Variants in THSD7A observed in about 807,000 individuals in gnomAD.
THSD7A encodes the protein thrombospondin type 1 domain containing 7A, also known as thrombospondin type-1 domain-containing protein 7A.
In THSD7A, 96 loss-of-function variants were observed where a neutral mutation model predicts 231.3. That is an observed-to-expected ratio of 0.41 (90% CI 0.35 to 0.49). The LOEUF (loss-of-function observed/expected upper bound fraction) is 0.49. Ranked by LOEUF, THSD7A falls within the 20% of genes least tolerant of loss-of-function variation. THSD7A has a pLI of 0.05. For synonymous variants in THSD7A, 940 were observed against 743.3 expected, an observed-to-expected ratio of 1.26 and a Z score of -4.30; for missense variants, 2,290 against 2,070.2, an observed-to-expected ratio of 1.11 and a Z score of -2.06.
At chr7:11,501,080 C>T (rs925835209) in intron 6 of THSD7A, among the ~76,000 whole-genome samples, 1 of 151,638 alleles carries the variant, frequency 6.6e-6, no homozygotes, top group Non-Finnish European at 1.5e-5. Context: ...GAAGACTTAG[C>T]TATCCTAAAT....
At chr7:11,423,017 A>T (rs917926744) in intron 16 of THSD7A, among the ~76,000 whole-genome samples, 7 of 152,172 alleles carry the variant, frequency 4.6e-5, no homozygotes, top group Non-Finnish European at 7.4e-5. Flanking sequence ...TTTTATTTTG[A>T]AGAAAAAAAA....
At chr7:11,622,745 T>A (rs1781357186) in intron 2 of THSD7A, among the ~76,000 whole-genome samples, 1 of 152,204 alleles carries the variant, frequency 6.6e-6, no homozygotes, top group Non-Finnish European at 1.5e-5. Flanking sequence ...CCACTCAATA[T>A]TAATTTCTAA....
chr7:11,462,794 ATAAG>A, intron 9 of THSD7A, among the ~76,000 whole-genome samples: 1 of 152,270 alleles, frequency 6.6e-6, no homozygotes, highest in South Asian at 2.1e-4. Context: ...ATTACTATAA[ATAAG>A]TAACTCTAAA....
At chr7:11,721,283 G>A (rs948606856) in intron 1 of THSD7A, among the ~76,000 whole-genome samples, 2 of 151,794 alleles carry the variant, frequency 1.3e-5, no homozygotes, top group Non-Finnish European at 2.9e-5. Flanking sequence ...CAATGTTGGA[G>A]GAGGTGGCTG....
intron 1 of THSD7A, among the ~76,000 whole-genome samples, chr7:11,640,185 CCT>C (rs543495197): frequency 6.6e-6 from 1 of 152,150 alleles, no homozygotes; most frequent in African/African-American, 2.4e-5. Context: ...CTCTATAGCC[CCT>C]TGAGGACAGG....
chr7:11,727,837 C>G (rs1781600068), intron 1 of THSD7A, among the ~76,000 whole-genome samples: 2 of 151,808 alleles, frequency 1.3e-5, no homozygotes, highest in African/African-American at 2.4e-5. Flanking sequence ...ACAGTCTAAC[C>G]CTCTTTACCT....
intron 13 of THSD7A, among the ~76,000 whole-genome samples, chr7:11,430,703 G>A (rs2115428808): frequency 6.6e-6 from 1 of 152,118 alleles, no homozygotes; most frequent in South Asian, 2.1e-4. Flanking sequence ...GGAACTTCTG[G>A]CCTCAAGTGA....
In THSD7A at chr7:11,372,008, T is replaced by C. The variant is rs565374118; in HGVS notation, c.*3786A>G. The C allele has an allele frequency of 5.3e-5, 8 of 152,058 alleles. No homozygotes were observed. The highest frequency in any genetic ancestry group is 1.7e-4 in the African/African-American group (7 of 41,492). The allele number at this position is 152,058 out of a possible 1,614,324, so 9.4% of individuals were successfully genotyped here. A position where few individuals can be genotyped will look rare whatever the true frequency, so the allele number is the denominator to read the frequency against. ...CAGAAAGGGCCAAGGATACAGGTTG[T>C]TGGGGGAGGTAAATAAGTGTGTGAG... is the stretch of plus-strand genomic sequence containing the variant. On this transcript the variant is annotated 3_prime_UTR_variant, in exon 28 of 28. Transcript: ENST00000423059.
intron 2 of THSD7A, among the ~76,000 whole-genome samples, chr7:11,620,485 A>T (rs1781266901): frequency 6.6e-6 from 1 of 152,164 alleles, no homozygotes; most frequent in Non-Finnish European, 1.5e-5. Flanking sequence ...CATTATCAAC[A>T]TGATCATTTA....
At chr7:11,799,136 T>C (rs1056372803) in intron 1 of THSD7A, among the ~76,000 whole-genome samples, 1 of 152,178 alleles carries the variant, frequency 6.6e-6, no homozygotes, top group African/African-American at 2.4e-5. Flanking sequence ...TTGGCCAGGA[T>C]GGTCTCGATC....
At position 11,541,583 on chromosome 7, in the gene THSD7A, G is replaced by C. The variant is rs371584882; in HGVS notation, c.1658C>G (p.Ser553Cys). 1.1e-5 allele frequency: 18 copies of C among 1,613,858 alleles called. No homozygotes were observed. The African/African-American group carries it at 1.7e-4, about 16-fold the overall frequency. ...RRITNEPTGG[S>C]GVTGNCPHLL... ...GTGAGGGCAGTTTCCGGTTACCCCA[G>C]AGCCTCCAGTGGGCTCATTGGTAAT... is the stretch of plus-strand genomic sequence containing the variant. The change falls in exon 6 of 28, where the codon TCT becomes TGT. Residue 553 changes from serine to cysteine, a missense_variant. Ser to Cys is a moderately radical substitution (Grantham distance 112, BLOSUM62 -1). Transcript: ENST00000423059.
chr7:11,433,053 C>T (rs1057310980), intron 13 of THSD7A, among the ~76,000 whole-genome samples: 5 of 151,900 alleles, frequency 3.3e-5, no homozygotes, highest in Non-Finnish European at 5.9e-5. Context: ...AAAGAAGATG[C>T]CACTGCTAAG....
chr7:11,388,352 A>G (rs533424536), intron 23 of THSD7A, among the ~76,000 whole-genome samples: 3 of 152,220 alleles, frequency 2.0e-5, no homozygotes, highest in African/African-American at 7.2e-5. Context: ...TAGGCTATTA[A>G]TTAGTGCCTC....
chr7:11,386,345 C>T (rs1193555603), intron 23 of THSD7A, among the ~76,000 whole-genome samples: 2 of 152,134 alleles, frequency 1.3e-5, no homozygotes, highest in East Asian at 1.9e-4. Context: ...AGTGTAAAAG[C>T]GTTCCTGTTT....
intron 1 of THSD7A, among the ~76,000 whole-genome samples, chr7:11,794,296 A>G (rs2128179075): frequency 6.6e-6 from 1 of 152,116 alleles, no homozygotes; most frequent in South Asian, 2.1e-4. Flanking sequence ...AATTTGAGTC[A>G]GCACTTCAAA....
intron 1 of THSD7A, among the ~76,000 whole-genome samples, chr7:11,794,778 G>C (rs1784072284): frequency 6.6e-6 from 1 of 151,908 alleles, no homozygotes; most frequent in African/African-American, 2.4e-5. Flanking sequence ...TCCTACAAAA[G>C]CATATGTGCC....
At chr7:11,550,653 G>A (rs1053382251) in intron 4 of THSD7A, among the ~76,000 whole-genome samples, 1 of 152,150 alleles carries the variant, frequency 6.6e-6, no homozygotes, top group Non-Finnish European at 1.5e-5. Flanking sequence ...ATGTGGAACT[G>A]TGAGTCTATT....
intron 4 of THSD7A, among the ~76,000 whole-genome samples, chr7:11,562,516 C>T (rs994997554): frequency 1.3e-5 from 2 of 152,154 alleles, no homozygotes; most frequent in Middle Eastern, 6.8e-3. Context: ...GTAAATCTAC[C>T]TTTTTCTTAA....
intron 1 of THSD7A, among the ~76,000 whole-genome samples, chr7:11,758,109 C>A (rs1782743955): frequency 6.7e-6 from 1 of 149,914 alleles, no homozygotes; most frequent in Non-Finnish European, 1.5e-5. Context: ...GAAATAGGAA[C>A]CTAATAGTGA....
Sources: gnomAD v4.1 joint callset for allele counts (sites outside exome capture counted in the v4.1 genomes callset) on GRCh38, gnomAD v4.1.1 for gene constraint, MANE v1.5 for transcripts, NCBI Gene and HGNC (gene_info 2026-07-23, HGNC 2026-07-21) for gene names.